DOCK3: variants seen among roughly 807,000 people sequenced by gnomAD.
DOCK3 encodes the protein dedicator of cytokinesis 3.
DOCK3 carries 60 observed loss-of-function variants against 265.6 expected under a neutral mutation model. The observed-to-expected ratio is 0.23, with a 90% CI of 0.18 to 0.28. The LOEUF is 0.28. Ranked by LOEUF, DOCK3 falls within the 10% of genes least tolerant of loss-of-function variation. DOCK3 has a pLI of 1.00. For synonymous variants in DOCK3, 881 were observed against 938.0 expected (o/e 0.94, Z 1.11); for missense variants, 1,981 against 2,594.3 (o/e 0.76, Z 5.14).
intron 2 of DOCK3, among the ~76,000 whole-genome samples, chr3:50,780,266 AAG>A (rs1424883582): frequency 3.9e-5 from 6 of 152,232 alleles, no homozygotes; most frequent in African/African-American, 1.2e-4. Context: ...AAAATATTGA[AAG>A]AGTTTTCACT....
At chr3:51,318,833 G>A (rs1205345704) in intron 32 of DOCK3, among the ~76,000 whole-genome samples, 5 of 152,000 alleles carry the variant, frequency 3.3e-5, no homozygotes, top group Non-Finnish European at 7.4e-5. Flanking sequence ...ATATATAAAT[G>A]ATTGCAATTT....
intron 1 of DOCK3, among the ~76,000 whole-genome samples, chr3:50,763,798 A>G (rs1175482643): frequency 6.6e-6 from 1 of 152,176 alleles, no homozygotes; most frequent in Non-Finnish European, 1.5e-5. Flanking sequence ...TGGTTAAATG[A>G]TTAATCAATT....
chr3:50,901,771 C>A lies in DOCK3; in HGVS notation c.218+11690C>A, dbSNP rs1010695066. The A allele has an allele frequency of 1.5e-4, 67 of 436,060 alleles. No individual in the cohort carries two copies. The Admixed American group carries it at 1.6e-3, about 11-fold the overall frequency. The allele number at this position is 436,060 out of a possible 1,614,324, so 27.0% of individuals were successfully genotyped here. On this transcript the variant is annotated intron_variant, in intron 4 of 52. Coordinates refer to ENST00000266037, the MANE Select transcript of DOCK3 (RefSeq NM_004947.5). ...CTTGCTGGGTGAGGCGACACCCTAC[C>A]CTGCTTCAGCTCTCCCTCTGTGGGT...
chr3:50,876,400 AT>A (rs2107619615), intron 3 of DOCK3, among the ~76,000 whole-genome samples: 1 of 152,246 alleles, frequency 6.6e-6, no homozygotes, highest in Non-Finnish European at 1.5e-5. Context: ...TGTTTTAAAT[AT>A]TTTAAGGTTT....
At chr3:51,214,283 G>T (rs2089663538) in intron 14 of DOCK3, 36 bp downstream of exon 14, 3 of 1,609,818 alleles carry the variant, frequency 1.9e-6, no homozygotes, top group African/African-American at 1.3e-5. Context: ...AAGGAAGATG[G>T]GTTAGGATGG....
intron 1 of DOCK3, among the ~76,000 whole-genome samples, chr3:50,717,458 T>G (rs1213117287): frequency 6.6e-6 from 1 of 152,214 alleles, no homozygotes; most frequent in African/African-American, 2.4e-5. Context: ...CATATATTTA[T>G]GTATGTGTGT....
At chr3:51,310,576 TC>T (rs1339056771) in intron 28 of DOCK3, among the ~76,000 whole-genome samples, 1 of 152,226 alleles carries the variant, frequency 6.6e-6, no homozygotes, top group African/African-American at 2.4e-5. Context: ...GAAGGCCTGC[TC>T]AGTGGCCCAC....
intron 3 of DOCK3, among the ~76,000 whole-genome samples, chr3:50,858,438 AT>A (rs60821985): frequency 0.1 from 15,005 of 150,072 alleles, 942 homozygotes; most frequent in Non-Finnish European, 0.13. Flanking sequence ...AATAATAATA[AT>A]AATAATAATA....
At chr3:50,876,612 C>G (rs1229279932) in intron 3 of DOCK3, 4 of 151,990 alleles carry the variant, frequency 2.6e-5, no homozygotes, top group African/African-American at 9.7e-5. Flanking sequence ...CAGAGGTACA[C>G]CGGTTTGTAT....
intron 13 of DOCK3, among the ~76,000 whole-genome samples, chr3:51,212,752 G>T (rs2089587702): frequency 6.6e-6 from 1 of 152,112 alleles, no homozygotes; most frequent in African/African-American, 2.4e-5. Flanking sequence ...CTTTAGAGGG[G>T]TTGAAATCTT....
In DOCK3 at chr3:51,270,839, A is replaced by G. The variant is rs569020814; in HGVS notation, c.2380A>G (p.Thr794Ala). Residue 794 changes from threonine (T) to alanine (A), a missense_variant, in exon 24 of 53, where the codon ACC becomes GCC. Thr to Ala is a moderately conservative substitution (Grantham distance 58). Coordinates refer to ENST00000266037, the MANE Select transcript of DOCK3 (RefSeq NM_004947.5). ...GGCTGCACTCCTCAATTCTTTCCCA[A>G]CCATCTTTGATGAGCTTCTGCAAAT... ...TQAALLNSFPTIFDELLQMFT... is the reference protein window; with the variant it reads ...TQAALLNSFPAIFDELLQMFT... The G allele has an allele frequency of 3.1e-6, 5 of 1,613,810 alleles. No homozygotes were observed. The highest frequency in any genetic ancestry group is 2.7e-5 in the African/African-American group (2 of 75,006).
rs183097320 is a variant in DOCK3 at position 51,145,941 on chromosome 3, C to T, written c.747-608C>T. 1.3e-3 allele frequency among the ~76,000 whole-genome samples: 205 copies of T among 152,266 alleles called. 1 individual carries two copies. The highest frequency in any genetic ancestry group is 4.7e-3 in the African/African-American group (195 of 41,546). On this transcript the variant is annotated intron_variant, in intron 9 of 52. Transcript: ENST00000266037. ...TCCCTCCACAATATTGTGAAGTTCA[C>T]AATAGGGTTTGTGCGCCTGTGAAAA...
At chr3:51,157,861 G>A (rs1406963967) in intron 10 of DOCK3, among the ~76,000 whole-genome samples, 5 of 145,668 alleles carry the variant, frequency 3.4e-5, no homozygotes, top group East Asian at 2.1e-4. Context: ...CTGCAGTAGC[G>A]CTGTCTCTTT....
intron 5 of DOCK3, among the ~76,000 whole-genome samples, chr3:51,041,861 A>T (rs964998292): frequency 1.3e-5 from 2 of 152,182 alleles, no homozygotes; most frequent in Admixed American, 1.3e-4. Context: ...GTAAATGAAC[A>T]TTGCCTTCAA....
chr3:51,009,060 G>T (rs1276364339), intron 5 of DOCK3, among the ~76,000 whole-genome samples: 1 of 152,150 alleles, frequency 6.6e-6, no homozygotes, highest in African/African-American at 2.4e-5. Flanking sequence ...GTTCATCAGG[G>T]ATATTAGTCT....
chr3:50,779,441 T>C (rs1258870443), intron 2 of DOCK3, among the ~76,000 whole-genome samples: 2 of 152,144 alleles, frequency 1.3e-5, no homozygotes, highest in African/African-American at 4.8e-5. Context: ...TGGAGCGCAA[T>C]GGTGCGATCT....
chr3:50,824,680 T>C (rs559045141), intron 2 of DOCK3, among the ~76,000 whole-genome samples: 5 of 152,218 alleles, frequency 3.3e-5, no homozygotes, highest in Non-Finnish European at 7.3e-5. Flanking sequence ...TATTTCTAGC[T>C]CTGTTTTAGA....
chr3:50,764,040 G>A (rs1419329600), intron 1 of DOCK3, among the ~76,000 whole-genome samples: 2 of 152,152 alleles, frequency 1.3e-5, no homozygotes, highest in Non-Finnish European at 2.9e-5. Context: ...CGTACGACTA[G>A]CTAATGACCT....
intron 24 of DOCK3, among the ~76,000 whole-genome samples, chr3:51,272,657 A>G (rs1204351235): frequency 6.6e-6 from 1 of 152,036 alleles, no homozygotes; most frequent in East Asian, 1.9e-4. Context: ...AATACTAAAT[A>G]GATGTTCCCT....
Sources: gnomAD v4.1 joint callset for allele counts (sites outside exome capture counted in the v4.1 genomes callset) on GRCh38, gnomAD v4.1.1 for gene constraint, MANE v1.5 for transcripts, NCBI Gene and HGNC (gene_info 2026-07-23, HGNC 2026-07-21) for gene names.